Variants in KIF18A observed in about 807,000 individuals in gnomAD.
The protein encoded by KIF18A is kinesin family member 18A.
In KIF18A, 67 loss-of-function variants were observed where a neutral mutation model predicts 103.3. The ratio of observed to expected loss-of-function variants is 0.65; its 90% CI spans 0.53 to 0.79. KIF18A has a LOEUF of 0.79. KIF18A is among the 30% of genes least tolerant of loss of function. The pLI, the probability that KIF18A is intolerant of heterozygous loss-of-function variation, is 0.00. For synonymous variants in KIF18A, 367 were observed against 355.5 expected (o/e 1.03, Z -0.36); for missense variants, 1,032 against 1,062.5 (o/e 0.97, Z 0.40).
intron 10 of KIF18A, among the ~76,000 whole-genome samples, chr11:28,070,996 C>A (rs536117589): frequency 6.6e-6 from 1 of 152,252 alleles, no homozygotes; most frequent in South Asian, 2.1e-4. Flanking sequence ...GTTGAGGCTG[C>A]AGTGCAGTGA....
intron 1 of KIF18A, among the ~76,000 whole-genome samples, 178 bp downstream of exon 1, chr11:28,107,885 TA>T (rs1851555104): frequency 6.6e-6 from 1 of 152,170 alleles, no homozygotes; most frequent in South Asian, 2.1e-4. Context: ...GCTGTGCTCT[TA>T]GCAGGTTCTC....
In KIF18A at chr11:28,036,219, T is replaced by C. The variant is rs781251059; in HGVS notation, c.2394A>G (p.Gln798=). 4 of 1,567,378 alleles carry C rather than the reference T, an allele frequency of 2.6e-6. No individual in the cohort carries two copies. Among genetic ancestry groups the C allele is most frequent in the East Asian group, 4.5e-5 (2 of 44,338 alleles). Residue 798 remains glutamine (Q), a splice_region_variant and synonymous_variant, in exon 14 of 17, where the codon CAA becomes CAG. Transcript: ENST00000263181. ...TGGCAAATATTATTTTTTTGTACCG[T>C]TGTAAAATGTCTTTGTTATCATTTG... ...SLPNDNKDIL[Q]RLDPSSFSTK...
At chr11:28,090,873 A>G (rs1851291480) in intron 4 of KIF18A, 146 bp from the exon 5 acceptor site, 2 of 596,754 alleles carry the variant, frequency 3.4e-6, no homozygotes, top group African/African-American at 1.9e-5. Context: ...ACTTTGTCTC[A>G]TCTGCTTAGT....
At chr11:28,096,041 A>G (rs1851366024) in intron 2 of KIF18A, among the ~76,000 whole-genome samples, 1 of 150,360 alleles carries the variant, frequency 6.7e-6, no homozygotes, top group Non-Finnish European at 1.5e-5. Flanking sequence ...AAAAGAAAAA[A>G]ATCCACTCTG....
chr11:28,104,438 C>T (rs963898806), intron 1 of KIF18A, among the ~76,000 whole-genome samples: 4 of 152,098 alleles, frequency 2.6e-5, no homozygotes, highest in African/African-American at 9.7e-5. Context: ...GGCCTCCTGG[C>T]TTTTTTATTT....
chr11:28,060,576 G>T (rs1283921233), intron 12 of KIF18A, among the ~76,000 whole-genome samples: 1 of 152,140 alleles, frequency 6.6e-6, no homozygotes, highest in South Asian at 2.1e-4. Flanking sequence ...CAGGTACTGT[G>T]CAGGAAAGTT....
intron 16 of KIF18A, among the ~76,000 whole-genome samples, chr11:28,021,889 T>A (rs1015365395): frequency 1.3e-5 from 2 of 152,216 alleles, no homozygotes; most frequent in Non-Finnish European, 2.9e-5. Context: ...TTAGTTTAAT[T>A]GCTTATCCAC....
At chr11:28,053,341 A>G (rs1305593668) in intron 13 of KIF18A, among the ~76,000 whole-genome samples, 2 of 152,000 alleles carry the variant, frequency 1.3e-5, no homozygotes, top group East Asian at 1.9e-4. Context: ...TGAATGTTTT[A>G]TAATTATCAG....
At chr11:28,105,110 A>C (rs915028426) in intron 1 of KIF18A, among the ~76,000 whole-genome samples, 6 of 152,226 alleles carry the variant, frequency 3.9e-5, no homozygotes, top group Admixed American at 6.5e-5. Flanking sequence ...TTTTCTATTG[A>C]GCTCATATCC....
chr11:28,074,314 G>C (rs1048610793), intron 10 of KIF18A, among the ~76,000 whole-genome samples: 1 of 152,038 alleles, frequency 6.6e-6, no homozygotes, highest in Non-Finnish European at 1.5e-5. Flanking sequence ...AATCCAATGA[G>C]ATAGTTATTT....
chr11:28,065,538 T>G (rs1850907993), intron 11 of KIF18A, among the ~76,000 whole-genome samples: 1 of 152,034 alleles, frequency 6.6e-6, no homozygotes, highest in Non-Finnish European at 1.5e-5. Context: ...TTGACCATAT[T>G]GAAAAAGTTT....
rs746112871 is a variant in KIF18A at position 28,035,367 on chromosome 11, C to G, written c.2504+20G>C. 2 of 1,405,994 alleles carry G rather than the reference C, an allele frequency of 1.4e-6. No homozygotes were observed. Among genetic ancestry groups the G allele is most frequent in the Admixed American group, 3.6e-5 (2 of 55,682 alleles). 87.1% of individuals were successfully genotyped at this position (1,405,994 alleles called of 1,614,324 possible). On this transcript the variant is annotated intron_variant, in intron 15 of 16. Coordinates refer to ENST00000263181, the MANE Select transcript of KIF18A (RefSeq NM_031217.4). ...ATCTTATATAACTACAGAACCAAAC[C>G]AGTTTATGTTTAATCATACCTTGTT...
At position 28,077,081 on chromosome 11, in the gene KIF18A, C is replaced by T. The variant is rs1368569365; in HGVS notation, c.1351G>A (p.Glu451Lys). ...LKLEMLLKEN[E>K]LKSFYQQQCH... Reference sequence around the variant, plus strand: ...TGTTGTTGGTAGAATGATTTAAGTTCATTTTCTTTAAGTAACATTTCCAAC... The same window carrying T: ...TGTTGTTGGTAGAATGATTTAAGTTTATTTTCTTTAAGTAACATTTCCAAC... The change falls in exon 10 of 17, where the codon GAA (glutamate) becomes AAA (lysine). Residue 451 changes from glutamate to lysine, a missense_variant. Physicochemically the swap from Glu to Lys is moderately conservative, Grantham distance 56. Coordinates refer to ENST00000263181, the MANE Select transcript of KIF18A (RefSeq NM_031217.4). The T allele has an allele frequency of 3.8e-6, 6 of 1,578,186 alleles. No individual in the cohort carries two copies. The highest frequency in any genetic ancestry group is 1.4e-5 in the African/African-American group (1 of 72,442).
intron 5 of KIF18A, among the ~76,000 whole-genome samples, 156 bp downstream of exon 5, chr11:28,090,461 C>T (rs967330644): frequency 6.6e-6 from 1 of 152,142 alleles, no homozygotes; most frequent in East Asian, 1.9e-4. Flanking sequence ...TATAAATACT[C>T]TTGGTGACAG....
intron 10 of KIF18A, among the ~76,000 whole-genome samples, chr11:28,076,271 A>G (rs1258832486): frequency 6.6e-6 from 1 of 152,200 alleles, no homozygotes; most frequent in Admixed American, 6.5e-5. Flanking sequence ...GCCCTGGCAC[A>G]TCTAACAATT....
At chr11:28,054,637 T>C (rs1367428999) in intron 13 of KIF18A, among the ~76,000 whole-genome samples, 1 of 152,176 alleles carries the variant, frequency 6.6e-6, no homozygotes, top group East Asian at 1.9e-4. Context: ...TATTCCTCCT[T>C]GACACTATTA....
At chr11:28,076,288 A>G (rs1340076050) in intron 10 of KIF18A, among the ~76,000 whole-genome samples, 1 of 152,204 alleles carries the variant, frequency 6.6e-6, no homozygotes, top group African/African-American at 2.4e-5. Flanking sequence ...AATTTCAGTG[A>G]TAAAATTCTT....
intron 9 of KIF18A, among the ~76,000 whole-genome samples, chr11:28,079,845 C>T (rs1204227946): frequency 1.3e-5 from 2 of 151,980 alleles, no homozygotes; most frequent in Non-Finnish European, 2.9e-5. Flanking sequence ...TCCAGTGTCT[C>T]AATGGGTCAA....
At chr11:28,025,380 T>G (rs1469074517) in intron 15 of KIF18A, among the ~76,000 whole-genome samples, 2 of 152,062 alleles carry the variant, frequency 1.3e-5, no homozygotes, top group Admixed American at 1.3e-4. Context: ...ATTTTATTTT[T>G]TCAAATATAA....
Sources: allele counts gnomAD v4.1 joint callset (sites outside exome capture counted in the v4.1 genomes callset), GRCh38; gene constraint gnomAD v4.1.1; transcripts MANE v1.5; gene names NCBI Gene and HGNC (gene_info 2026-07-23, HGNC 2026-07-21).